PDS5B: variants seen among roughly 807,000 people sequenced by gnomAD.
PDS5B encodes PDS5 cohesin associated factor B, also known as sister chromatid cohesion protein PDS5 homolog B.
PDS5B carries 51 observed loss-of-function variants against 184.1 expected under a neutral mutation model. The observed-to-expected ratio is 0.28, with a 90% confidence interval of 0.22 to 0.35. The LOEUF (loss-of-function observed/expected upper bound fraction) is 0.35, where lower values mean the gene tolerates loss of function less well. Ranked by LOEUF, PDS5B falls within the 10% of genes least tolerant of loss-of-function variation. The probability of loss-of-function intolerance (pLI) is 1.00; values close to 1 mark genes in which losing one functional copy is unlikely to be tolerated. For missense variants in PDS5B, 1,180 were observed against 1,723.3 expected (o/e 0.68, Z 5.58); for synonymous variants, 566 against 569.2 (o/e 0.99, Z 0.08).
chr13:32,604,398 A>G (rs2140491208), intron 1 of PDS5B, among the ~76,000 whole-genome samples: 2 of 152,292 alleles, frequency 1.3e-5, no homozygotes, highest in South Asian at 4.1e-4. Context: ...CGTATATTGA[A>G]CCAGCCTTGC....
intron 1 of PDS5B, among the ~76,000 whole-genome samples, chr13:32,645,578 A>C (rs1271900455): frequency 6.6e-6 from 1 of 152,156 alleles, no homozygotes; most frequent in African/African-American, 2.4e-5. Flanking sequence ...ATGTTATATT[A>C]TCAAATTTAT....
At chr13:32,684,588 G>A (rs138051881) in intron 11 of PDS5B, among the ~76,000 whole-genome samples, 51 of 152,294 alleles carry the variant, frequency 3.3e-4, no homozygotes, top group Middle Eastern at 3.4e-3. Flanking sequence ...ACTGTATCTT[G>A]TTATGTTTGT....
chr13:32,687,002 A>G (rs749586406), intron 11 of PDS5B, 132 bp from the exon 12 acceptor site: 15 of 644,870 alleles, frequency 2.3e-5, no homozygotes, highest in Non-Finnish European at 4.1e-5. Flanking sequence ...GTAATTATAA[A>G]TTGATATTTA....
At chr13:32,601,923 A>G (rs994109307) in intron 1 of PDS5B, among the ~76,000 whole-genome samples, 1 of 152,328 alleles carries the variant, frequency 6.6e-6, no homozygotes, top group Middle Eastern at 3.4e-3. Context: ...TGCAGTTTAA[A>G]TGCATTTATT....
chr13:32,650,799 A>G (rs1008165049), intron 2 of PDS5B, among the ~76,000 whole-genome samples: 7 of 152,228 alleles, frequency 4.6e-5, no homozygotes, highest in Admixed American at 1.3e-4. Flanking sequence ...AGAATTCAGT[A>G]GAAATCGAGC....
intron 17 of PDS5B, among the ~76,000 whole-genome samples, chr13:32,704,718 C>T (rs1421852779): frequency 6.6e-6 from 1 of 152,192 alleles, no homozygotes; most frequent in Non-Finnish European, 1.5e-5. Context: ...ATCCCTCCTT[C>T]CGTAAAATTT....
intron 31 of PDS5B, among the ~76,000 whole-genome samples, chr13:32,767,902 T>A (rs1954635328): frequency 6.6e-6 from 1 of 152,206 alleles, no homozygotes; most frequent in Admixed American, 6.5e-5. Flanking sequence ...ACCAGATACA[T>A]AATTATACTT....
chr13:32,646,224 C>G (rs1950219652), intron 1 of PDS5B, among the ~76,000 whole-genome samples: 1 of 152,096 alleles, frequency 6.6e-6, no homozygotes, highest in African/African-American at 2.4e-5. Flanking sequence ...CCAGGCTGGT[C>G]TTGAACTCCT....
At chr13:32,650,721 T>G (rs1165206021) in intron 2 of PDS5B, 1 of 152,220 alleles carries the variant, frequency 6.6e-6, no homozygotes, top group Non-Finnish European at 1.5e-5. Flanking sequence ...TACTGTTGGT[T>G]CTGGTATCTG....
intron 24 of PDS5B, among the ~76,000 whole-genome samples, chr13:32,751,983 G>T (rs1481502618): frequency 1.3e-5 from 2 of 152,096 alleles, no homozygotes; most frequent in Non-Finnish European, 2.9e-5. Flanking sequence ...GATTTTTGGG[G>T]AAGATAAACT....
intron 10 of PDS5B, among the ~76,000 whole-genome samples, chr13:32,679,909 G>GTGTGTGTGTCTGTGTGTGTGTGTGTGTC (rs148914027): frequency 6.7e-6 from 1 of 149,390 alleles, no homozygotes; most frequent in Non-Finnish European, 1.5e-5. Context: ...GTGTGTGTGT[G>GTGTGTGTGTCTGTGTGTGTGTGTGTGTC]TGTGTGTCTG....
chr13:32,624,638 G>C (rs552124047), intron 1 of PDS5B, among the ~76,000 whole-genome samples: 1 of 152,056 alleles, frequency 6.6e-6, no homozygotes, highest in Non-Finnish European at 1.5e-5. Context: ...TGTGTTTGTT[G>C]GTCCTTGGGA....
At chr13:32,673,489 C>T (rs1302224719) in intron 8 of PDS5B, 133 bp downstream of exon 8, 9 of 728,574 alleles carry the variant, frequency 1.2e-5, no homozygotes, top group Admixed American at 3.2e-5. Context: ...TATTTCTTCA[C>T]GTATTTGTGC....
At chr13:32,760,078 C>T (rs375389994) in intron 29 of PDS5B, among the ~76,000 whole-genome samples, 3 of 152,190 alleles carry the variant, frequency 2.0e-5, no homozygotes, top group African/African-American at 7.2e-5. Context: ...GCCTCAGCCT[C>T]CTGAGTAGCT....
At chr13:32,710,192 G>A (rs956077246) in intron 19 of PDS5B, 86 bp downstream of exon 19, 4 of 969,292 alleles carry the variant, frequency 4.1e-6, no homozygotes, top group Non-Finnish European at 5.7e-6. Context: ...AATCTTTCAA[G>A]TTTTGAGGAA....
chr13:32,696,031 T>TA (rs1268770312), intron 14 of PDS5B, among the ~76,000 whole-genome samples: 4 of 152,116 alleles, frequency 2.6e-5, no homozygotes, highest in African/African-American at 9.6e-5. Flanking sequence ...ATAGAAATCT[T>TA]ACATGTTTCT....
chr13:32,762,509 T>C (rs960614997), intron 30 of PDS5B, among the ~76,000 whole-genome samples: 2 of 152,188 alleles, frequency 1.3e-5, no homozygotes, highest in Non-Finnish European at 2.9e-5. Flanking sequence ...TTTAGTTATA[T>C]CAGTTGGACA....
chr13:32,596,874 C>T (rs2057881816), intron 1 of PDS5B, among the ~76,000 whole-genome samples: 1 of 152,062 alleles, frequency 6.6e-6, no homozygotes, highest in Admixed American at 6.6e-5. Context: ...TTAATGTACT[C>T]ACGATACAAA....
At chr13:32,588,774 G>A (rs1256782267) in intron 1 of PDS5B, among the ~76,000 whole-genome samples, 2 of 152,234 alleles carry the variant, frequency 1.3e-5, no homozygotes, top group Non-Finnish European at 2.9e-5. Flanking sequence ...GCTGTTGGAT[G>A]AAAGTTGTTT....
Sources: allele counts gnomAD v4.1 joint callset (sites outside exome capture counted in the v4.1 genomes callset), GRCh38; gene constraint gnomAD v4.1.1; transcripts MANE v1.5; gene names NCBI Gene and HGNC (gene_info 2026-07-23, HGNC 2026-07-21).